The following CCDC60 variants were observed in gnomAD, a reference collection of about 807,000 sequenced individuals.
CCDC60 encodes coiled-coil domain containing 60.
A neutral mutation model predicts 63.5 loss-of-function variants in CCDC60; 54 were observed. The ratio of observed to expected loss-of-function variants is 0.85; its 90% CI spans 0.68 to 1.07. The LOEUF is 1.07. Ranked by LOEUF, CCDC60 falls within the 50% of genes least tolerant of loss-of-function variation. The pLI is 0.00. For synonymous variants in CCDC60, 206 were observed against 238.8 expected, an observed-to-expected ratio of 0.86 and a Z score of 1.27; for missense variants, 651 against 684.3, an observed-to-expected ratio of 0.95 and a Z score of 0.54.
chr12:119,526,877 G>T (rs574468570), intron 11 of CCDC60, among the ~76,000 whole-genome samples: 2 of 152,308 alleles, frequency 1.3e-5, no homozygotes, highest in South Asian at 4.1e-4. Flanking sequence ...GCTAAAAGCA[G>T]AACTTCCATT....
In CCDC60 at chr12:119,467,403, T is replaced by C. The variant is rs150180799; in HGVS notation, c.171-4591T>C. 1.3e-4 allele frequency among the ~76,000 whole-genome samples: 20 copies of C among 152,350 alleles called. No homozygotes were observed. The East Asian group carries it at 2.1e-3, about 16-fold the overall frequency. On this transcript the variant is annotated intron_variant, in intron 2 of 13. Transcript: ENST00000327554. ...AATCCTTACCCACCTCCCAATATGATATTAGGAGTTGAGGCCTTTGGGAGG... is the reference window on the plus strand; with the variant it reads ...AATCCTTACCCACCTCCCAATATGACATTAGGAGTTGAGGCCTTTGGGAGG...
intron 13 of CCDC60, among the ~76,000 whole-genome samples, chr12:119,538,300 G>A (rs927715868): frequency 6.6e-6 from 1 of 152,216 alleles, no homozygotes; most frequent in African/African-American, 2.4e-5. Flanking sequence ...GAAGTGTCCT[G>A]ATTTTCCAGG....
At chr12:119,497,854 T>A (rs1951749887) in intron 5 of CCDC60, among the ~76,000 whole-genome samples, 1 of 152,216 alleles carries the variant, frequency 6.6e-6, no homozygotes. Context: ...TTGCTCCTTC[T>A]TCTGGCTGGA....
chr12:119,375,061 T>C (rs1955937200), intron 1 of CCDC60, among the ~76,000 whole-genome samples: 1 of 152,188 alleles, frequency 6.6e-6, no homozygotes, highest in Admixed American at 6.5e-5. Context: ...TATCTTTCTG[T>C]GACTAGGAAT....
Position 119,516,605 on chromosome 12 carries a change from C to T in CCDC60, c.884-18C>T. ...GGGGTGGCTTCTGGTCAAGGGTGAC[C>T]TCTCATATTCTCATCAGATCTGCAG... On this transcript the variant is annotated intron_variant, in intron 7 of 13. Transcript: ENST00000327554. The T allele has an allele frequency of 6.3e-7, 1 of 1,577,946 alleles. No individual in the cohort carries two copies. Among genetic ancestry groups the T allele is most frequent in the Non-Finnish European group, 8.7e-7 (1 of 1,149,742 alleles).
At chr12:119,403,135 T>C (rs1680015619) in intron 1 of CCDC60, among the ~76,000 whole-genome samples, 1 of 152,194 alleles carries the variant, frequency 6.6e-6, no homozygotes, top group African/African-American at 2.4e-5. Context: ...CATTCTTCCA[T>C]GGGAGCAACC....
Position 119,458,077 on chromosome 12 carries a change from C to A in CCDC60, c.171-13917C>A, listed in dbSNP as rs74541136. Among the ~76,000 whole-genome samples, 943 of 152,240 alleles carry A rather than the reference C, an allele frequency of 6.2e-3. 12 individuals carry two copies. The highest frequency in any genetic ancestry group is 0.021 in the African/African-American group (891 of 41,546). ...CCATCATTTTTGCCCTCTCTTCCTC[C>A]GAAATCAATATGTCTGGGTGGGCTG... On this transcript the variant is annotated intron_variant, in intron 2 of 13. Coordinates refer to ENST00000327554, the MANE Select transcript of CCDC60 (RefSeq NM_178499.5).
intron 2 of CCDC60, among the ~76,000 whole-genome samples, chr12:119,455,992 AG>A (rs1486733531): frequency 7.6e-4 from 36 of 47,558 alleles, no homozygotes; most frequent in African/African-American, 4.6e-3. Flanking sequence ...AGAGAAAGAG[AG>A]AGAGAAAGAG....
At chr12:119,409,823 CTCTG>C (rs1956560642) in intron 1 of CCDC60, among the ~76,000 whole-genome samples, 2 of 152,016 alleles carry the variant, frequency 1.3e-5, no homozygotes, top group African/African-American at 2.4e-5. Flanking sequence ...CCCTCTCTGT[CTCTG>C]TCTGTCTGCC....
chr12:119,352,642 A>G (rs1955667979), intron 1 of CCDC60, among the ~76,000 whole-genome samples: 1 of 152,116 alleles, frequency 6.6e-6, no homozygotes, highest in South Asian at 2.1e-4. Context: ...AAGTTTCTCA[A>G]ATTTCACTTC....
At chr12:119,417,414 TCAG>T (rs1426292265) in intron 1 of CCDC60, among the ~76,000 whole-genome samples, 2 of 152,200 alleles carry the variant, frequency 1.3e-5, no homozygotes, top group Non-Finnish European at 2.9e-5. Flanking sequence ...TTGGAATACA[TCAG>T]CAAGATTTTT....
chr12:119,361,050 C>T (rs1277244829), intron 1 of CCDC60, among the ~76,000 whole-genome samples: 2 of 151,908 alleles, frequency 1.3e-5, no homozygotes, highest in Admixed American at 1.3e-4. Flanking sequence ...GCAGGAGAAT[C>T]AGGCAGGGAG....
chr12:119,530,768 C>T, intron 12 of CCDC60, 106 bp from the exon 13 acceptor site: 1 of 919,214 alleles, frequency 1.1e-6, no homozygotes, highest in African/African-American at 1.7e-5. Context: ...ATACTGCTGC[C>T]CTGGAGACAT....
At chr12:119,380,472 C>T (rs554402730) in intron 1 of CCDC60, among the ~76,000 whole-genome samples, 5 of 152,278 alleles carry the variant, frequency 3.3e-5, no homozygotes, top group South Asian at 2.1e-4. Flanking sequence ...AACCTGACGT[C>T]GTAATATCTC....
chr12:119,498,888 T>C (rs778944958), intron 5 of CCDC60, among the ~76,000 whole-genome samples: 8 of 152,156 alleles, frequency 5.3e-5, no homozygotes, highest in African/African-American at 1.9e-4. Context: ...CACTTCCCCA[T>C]AGCCACAAGT....
intron 2 of CCDC60, 54 bp from the exon 3 acceptor site, chr12:119,471,940 C>G (rs1197673714): frequency 2.7e-6 from 4 of 1,483,956 alleles, no homozygotes; most frequent in Non-Finnish European, 3.7e-6. Flanking sequence ...CCTTCTCTCT[C>G]TCCACCCTCC....
intron 13 of CCDC60, among the ~76,000 whole-genome samples, chr12:119,533,899 CG>C (rs1207759912): frequency 6.6e-6 from 1 of 152,092 alleles, no homozygotes; most frequent in Non-Finnish European, 1.5e-5. Context: ...CTTGACAATA[CG>C]GGCTCTTTTT....
At chr12:119,393,271 T>G (rs1956192658) in intron 1 of CCDC60, among the ~76,000 whole-genome samples, 1 of 152,240 alleles carries the variant, frequency 6.6e-6, no homozygotes, top group African/African-American at 2.4e-5. Context: ...AAATGAGATT[T>G]GGGCCATTTC....
Position 119,340,676 on chromosome 12 carries a change from C to G in CCDC60, c.90+5410C>G, listed in dbSNP as rs918351757. On this transcript the variant is annotated intron_variant, in intron 1 of 13. Transcript: ENST00000327554. ...AAACATTTTCCCCAACAAGAGAAAC[C>G]TGGACTCCCAGCACAATACGTTTCC... 3.3e-5 allele frequency among the ~76,000 whole-genome samples: 5 copies of G among 152,146 alleles called. No individual in the cohort carries two copies. In the East Asian group the frequency reaches 9.7e-4, roughly 29 times the overall value.
Sources: allele counts gnomAD v4.1 joint callset (sites outside exome capture counted in the v4.1 genomes callset), GRCh38; gene constraint gnomAD v4.1.1; transcripts MANE v1.5; gene names NCBI Gene and HGNC (gene_info 2026-07-23, HGNC 2026-07-21).